EFR3A: variants seen among roughly 807,000 people sequenced by gnomAD.
EFR3A encodes EFR3 homolog A.
In EFR3A, 76 loss-of-function variants were observed where a neutral mutation model predicts 104.4. The ratio of observed to expected loss-of-function variants is 0.73; its 90% confidence interval spans 0.60 to 0.88. The LOEUF is 0.88. Among genes scored for constraint, EFR3A ranks in the 40% least tolerant of loss-of-function variants. The pLI, the probability that EFR3A is intolerant of heterozygous loss-of-function variation, is 0.00. For missense variants in EFR3A, 985 were observed against 1,012.5 expected, an observed-to-expected ratio of 0.97 and a Z score of 0.37; for synonymous variants, 330 against 330.0, an observed-to-expected ratio of 1.00 and a Z score of 0.00.
chr8:131,965,052 T>C (rs920827648), intron 8 of EFR3A, among the ~76,000 whole-genome samples: 2 of 152,102 alleles, frequency 1.3e-5, no homozygotes, highest in Admixed American at 6.5e-5. Context: ...TTACACCTTA[T>C]ACAAAAATTA....
At chr8:132,003,207 C>A in intron 21 of EFR3A, 29 bp from the exon 22 acceptor site, 1 of 1,586,428 alleles carries the variant, frequency 6.3e-7, no homozygotes, top group South Asian at 1.1e-5. Context: ...GAAAATAAAC[C>A]ATTCTTAACA....
chr8:131,949,350 G>A (rs1818588779), intron 4 of EFR3A, among the ~76,000 whole-genome samples: 1 of 152,128 alleles, frequency 6.6e-6, no homozygotes, highest in African/African-American at 2.4e-5. Flanking sequence ...GTGAAGTAAT[G>A]CTGTATATAA....
chr8:131,949,220 T>G (rs1586586924), intron 4 of EFR3A, among the ~76,000 whole-genome samples: 1 of 152,126 alleles, frequency 6.6e-6, no homozygotes, highest in East Asian at 1.9e-4. Flanking sequence ...AATAATACAG[T>G]ATATGCTAGA....
intron 4 of EFR3A, among the ~76,000 whole-genome samples, chr8:131,949,283 T>C (rs1463484386): frequency 2.0e-5 from 3 of 151,768 alleles, no homozygotes; most frequent in Non-Finnish European, 2.9e-5. Flanking sequence ...AGCTTAGAAA[T>C]ATTATTTTCA....
At chr8:131,997,631 G>A (rs1821562166) in intron 19 of EFR3A, among the ~76,000 whole-genome samples, 1 of 151,998 alleles carries the variant, frequency 6.6e-6, no homozygotes, top group Admixed American at 6.6e-5. Flanking sequence ...TCTTTCTTCA[G>A]AGCTATTTAA....
chr8:131,940,791 GA>G, intron 2 of EFR3A: 1 of 683,910 alleles, frequency 1.5e-6, no homozygotes. Flanking sequence ...CACAAATCTA[GA>G]AAAATGGACA....
intron 1 of EFR3A, among the ~76,000 whole-genome samples, chr8:131,928,940 T>G (rs889285551): frequency 2.6e-5 from 4 of 152,136 alleles, no homozygotes; most frequent in Non-Finnish European, 5.9e-5. Context: ...AGGTCTTCTC[T>G]TTCTGCTCTT....
chr8:131,970,674 T>G, intron 10 of EFR3A, 31 bp downstream of exon 10: 1 of 1,588,718 alleles, frequency 6.3e-7, no homozygotes, highest in Non-Finnish European at 8.6e-7. Flanking sequence ...AAAACTATCA[T>G]GTAAAACAGT....
chr8:131,949,089 G>A (rs1250905782), intron 4 of EFR3A, among the ~76,000 whole-genome samples: 3 of 151,768 alleles, frequency 2.0e-5, no homozygotes, highest in Middle Eastern at 3.2e-3. Flanking sequence ...TATACCTACT[G>A]ATTCAAGAAA....
At chr8:131,912,587 C>T (rs760851232) in intron 1 of EFR3A, among the ~76,000 whole-genome samples, 5 of 152,158 alleles carry the variant, frequency 3.3e-5, no homozygotes, top group Non-Finnish European at 5.9e-5. Context: ...ACAGTAATTT[C>T]ACTTTTGGGG....
At chr8:132,008,674 G>T (rs148548436) in intron 22 of EFR3A, among the ~76,000 whole-genome samples, 1 of 151,670 alleles carries the variant, frequency 6.6e-6, no homozygotes, top group Non-Finnish European at 1.5e-5. Context: ...GCATGTGGAT[G>T]TATGTGTATG....
At chr8:131,933,747 T>TG (rs891460677) in intron 1 of EFR3A, among the ~76,000 whole-genome samples, 3 of 151,606 alleles carry the variant, frequency 2.0e-5, no homozygotes, top group African/African-American at 7.3e-5. Flanking sequence ...ATTGTAATAG[T>TG]GGGAAAAAAT....
At chr8:131,989,064 C>G (rs1176321455) in intron 18 of EFR3A, among the ~76,000 whole-genome samples, 4 of 152,148 alleles carry the variant, frequency 2.6e-5, no homozygotes, top group Non-Finnish European at 5.9e-5. Context: ...CTACCAATGA[C>G]TAGAAGAATT....
chr8:131,904,422 C>A, intron 1 of EFR3A, 100 bp downstream of exon 1: 1 of 1,121,308 alleles, frequency 8.9e-7, no homozygotes, highest in Non-Finnish European at 1.1e-6. Flanking sequence ...GGCTGGGCCG[C>A]GCTGAGCAGA....
chr8:131,956,508 A>T (rs1199276591), intron 7 of EFR3A, among the ~76,000 whole-genome samples: 2 of 152,186 alleles, frequency 1.3e-5, no homozygotes, highest in African/African-American at 4.8e-5. Context: ...TCACCAGATG[A>T]TAGATCTACT....
At chr8:131,904,449 G>A (rs1275059927) in intron 1 of EFR3A, 127 bp downstream of exon 1, 2 of 937,192 alleles carry the variant, frequency 2.1e-6, no homozygotes, top group African/African-American at 1.7e-5. Flanking sequence ...AAGTGTCTGC[G>A]AGCGGCGGAG....
At position 131,999,310 on chromosome 8, in the gene EFR3A, G is replaced by A. The variant is rs1473954986; in HGVS notation, c.2158-2449G>A. 2.0e-5 allele frequency among the ~76,000 whole-genome samples: 3 copies of A among 152,098 alleles called. No individual in the cohort carries two copies. In the East Asian group the frequency reaches 5.8e-4, roughly 29 times the overall value. On this transcript the variant is annotated intron_variant, in intron 19 of 22. Coordinates refer to ENST00000254624, the MANE Select transcript of EFR3A (RefSeq NM_015137.6). The stretch of plus-strand genomic sequence containing the variant: ...CAAATGCAACTGGAGAAACTTGTGT[G>A]TATGCTAGCATCTAGTCAATATTAG...
At chr8:131,927,046 C>T (rs575293917) in intron 1 of EFR3A, among the ~76,000 whole-genome samples, 1 of 152,026 alleles carries the variant, frequency 6.6e-6, no homozygotes, top group Non-Finnish European at 1.5e-5. Flanking sequence ...AACATTTCAC[C>T]CTGTGAGTCT....
At chr8:131,954,264 CT>C (rs1411341486) in intron 6 of EFR3A, among the ~76,000 whole-genome samples, 1 of 152,136 alleles carries the variant, frequency 6.6e-6, no homozygotes, top group East Asian at 1.9e-4. Flanking sequence ...ATGGATACTA[CT>C]TAAAGTTGCA....
Sources: gnomAD v4.1 joint callset for allele counts (sites outside exome capture counted in the v4.1 genomes callset) on GRCh38, gnomAD v4.1.1 for gene constraint, MANE v1.5 for transcripts, NCBI Gene and HGNC (gene_info 2026-07-23, HGNC 2026-07-21) for gene names.